CPNE8: variants seen among roughly 807,000 people sequenced by gnomAD.
CPNE8 encodes copine 8.
Under a neutral mutation model 81.5 loss-of-function variants are expected in CPNE8, and 45 were observed. That is an observed-to-expected ratio of 0.55 (90% confidence interval 0.44 to 0.71). The LOEUF (loss-of-function observed/expected upper bound fraction) is 0.71. Among genes scored for constraint, CPNE8 ranks in the 30% least tolerant of loss-of-function variants. CPNE8 has a pLI of 0.00. For synonymous variants in CPNE8, 252 were observed against 226.3 expected, an observed-to-expected ratio of 1.11 and a Z score of -1.02; for missense variants, 594 against 672.1, an observed-to-expected ratio of 0.88 and a Z score of 1.28.
At chr12:38,896,158 G>C (rs897820776) in intron 1 of CPNE8, among the ~76,000 whole-genome samples, 1 of 152,082 alleles carries the variant, frequency 6.6e-6, no homozygotes, top group Non-Finnish European at 1.5e-5. Flanking sequence ...ATTTGAATTC[G>C]TTTACTGTCT....
chr12:38,863,101 C>T (rs1565652975), intron 3 of CPNE8, among the ~76,000 whole-genome samples: 1 of 151,786 alleles, frequency 6.6e-6, no homozygotes. Flanking sequence ...CCAAGAAGAA[C>T]CAAAAAAAGA....
intron 6 of CPNE8, among the ~76,000 whole-genome samples, chr12:38,806,452 G>A (rs1592108267): frequency 6.7e-6 from 1 of 149,640 alleles, no homozygotes; most frequent in African/African-American, 2.4e-5. Context: ...TTCAATATAT[G>A]CAAATCAATA....
intron 5 of CPNE8, among the ~76,000 whole-genome samples, chr12:38,836,812 G>A (rs968192107): frequency 2.6e-5 from 4 of 152,164 alleles, no homozygotes; most frequent in Non-Finnish European, 5.9e-5. Flanking sequence ...TGGGTTGGAT[G>A]AGCTATATGC....
chr12:38,740,305 C>T (rs548695788), intron 10 of CPNE8, among the ~76,000 whole-genome samples: 3 of 152,264 alleles, frequency 2.0e-5, no homozygotes, highest in South Asian at 2.1e-4. Flanking sequence ...GGGGTTAAGA[C>T]GATGAGGTTT....
intron 19 of CPNE8, among the ~76,000 whole-genome samples, chr12:38,670,308 C>T (rs1016091125): frequency 6.6e-6 from 1 of 152,030 alleles, no homozygotes; most frequent in African/African-American, 2.4e-5. Context: ...AAATTTTATG[C>T]AACTATTAAG....
At chr12:38,740,297 G>A (rs994585555) in intron 10 of CPNE8, among the ~76,000 whole-genome samples, 1 of 152,078 alleles carries the variant, frequency 6.6e-6, no homozygotes, top group East Asian at 1.9e-4. Context: ...GGAGATTTGG[G>A]GTTAAGACGA....
At chr12:38,904,838 G>C (rs1212421808) in intron 1 of CPNE8, among the ~76,000 whole-genome samples, 1 of 152,050 alleles carries the variant, frequency 6.6e-6, no homozygotes. Context: ...AACAAAAGTC[G>C]TGACTTCCCA....
intron 10 of CPNE8, among the ~76,000 whole-genome samples, 179 bp downstream of exon 10, chr12:38,760,668 A>G (rs541874236): frequency 1.4e-4 from 21 of 152,108 alleles, no homozygotes; most frequent in Non-Finnish European, 2.5e-4. Context: ...CTCTATTTTC[A>G]TCTCGAGGTT....
intron 1 of CPNE8, among the ~76,000 whole-genome samples, chr12:38,904,619 C>T (rs1229676860): frequency 6.6e-6 from 1 of 151,972 alleles, no homozygotes; most frequent in African/African-American, 2.4e-5. Context: ...CAGGCGCGTG[C>T]CACCACGTCC....
intron 6 of CPNE8, among the ~76,000 whole-genome samples, chr12:38,809,062 A>T (rs1009745182): frequency 6.6e-6 from 1 of 152,180 alleles, no homozygotes; most frequent in Non-Finnish European, 1.5e-5. Context: ...TTTGGAAAAC[A>T]ATTTGGTTAC....
intron 10 of CPNE8, among the ~76,000 whole-genome samples, chr12:38,756,036 T>C (rs1325184946): frequency 8.4e-5 from 1 of 11,840 alleles, no homozygotes; most frequent in Non-Finnish European, 3.9e-3. Context: ...CGAGACTCCG[T>C]CTCAAAAAAA....
intron 6 of CPNE8, among the ~76,000 whole-genome samples, chr12:38,777,794 G>A (rs1000863205): frequency 6.6e-6 from 1 of 152,116 alleles, no homozygotes; most frequent in Non-Finnish European, 1.5e-5. Context: ...CAACCCCAGG[G>A]CTGCAGAGCA....
intron 6 of CPNE8, among the ~76,000 whole-genome samples, chr12:38,779,248 A>T (rs962035074): frequency 3.3e-5 from 5 of 152,190 alleles, no homozygotes; most frequent in African/African-American, 1.2e-4. Flanking sequence ...AAGTGAAGTC[A>T]GAAAGATAAG....
At chr12:38,828,690 G>A (rs547752925) in intron 6 of CPNE8, among the ~76,000 whole-genome samples, 36 of 152,294 alleles carry the variant, frequency 2.4e-4, no homozygotes, top group African/African-American at 8.7e-4. Context: ...CTCTGCAAAT[G>A]TACTATTCTT....
chr12:38,797,515 A>G (rs185723017), intron 6 of CPNE8, among the ~76,000 whole-genome samples: 294 of 152,262 alleles, frequency 1.9e-3, no homozygotes, highest in African/African-American at 7.0e-3. Context: ...AAACTAACAA[A>G]CAGAGAGGAC....
In CPNE8 at chr12:38,810,693, C is replaced by T. The variant is rs137982282; in HGVS notation, c.407+18686G>A. Among the ~76,000 whole-genome samples the T allele has an allele frequency of 1.1e-3, 169 of 152,224 alleles. 1 individual carries two copies. The highest frequency in any genetic ancestry group is 3.6e-3 in the African/African-American group (151 of 41,542). On this transcript the variant is annotated intron_variant, in intron 6 of 19. Coordinates refer to ENST00000331366, the MANE Select transcript of CPNE8 (RefSeq NM_153634.3). ...CCATTCATCATTGGTCAGTTCTGTA[C>T]ATCAAAATTTCAGTAGGATCAGCTA...
At chr12:38,673,402 T>C (rs1239829687) in intron 18 of CPNE8, among the ~76,000 whole-genome samples, 1 of 152,116 alleles carries the variant, frequency 6.6e-6, no homozygotes, top group Non-Finnish European at 1.5e-5. Flanking sequence ...GATTTGGAAG[T>C]GTCATGAGAG....
chr12:38,666,788 G>T (rs1939065649), intron 19 of CPNE8, among the ~76,000 whole-genome samples: 1 of 152,124 alleles, frequency 6.6e-6, no homozygotes. Flanking sequence ...TACATGTTAA[G>T]AATCTTAGAA....
intron 15 of CPNE8, among the ~76,000 whole-genome samples, chr12:38,688,520 T>C (rs1939591818): frequency 1.3e-5 from 2 of 152,176 alleles, no homozygotes; most frequent in African/African-American, 4.8e-5. Flanking sequence ...CACACCTTTA[T>C]AGTGGCACAA....
Sources: gnomAD v4.1 joint callset for allele counts (sites outside exome capture counted in the v4.1 genomes callset) on GRCh38, gnomAD v4.1.1 for gene constraint, MANE v1.5 for transcripts, NCBI Gene and HGNC (gene_info 2026-07-23, HGNC 2026-07-21) for gene names.